Variants in CLEC17A observed in about 807,000 individuals in gnomAD.
CLEC17A encodes the protein C-type lectin domain family 17, member A.
A neutral mutation model predicts 61.3 loss-of-function variants in CLEC17A; 37 were observed. That is an observed-to-expected ratio of 0.60 (90% CI 0.46 to 0.79). The LOEUF is 0.79. Ranked by LOEUF, CLEC17A falls within the 30% of genes least tolerant of loss-of-function variation. CLEC17A has a pLI of 0.00. For missense variants in CLEC17A, 418 were observed against 464.7 expected (o/e 0.90, Z 0.92); for synonymous variants, 168 against 164.9 (o/e 1.02, Z -0.14).
chr19:14,587,233 A>ATGTGTGTGTGTGTGTGTGTG (rs3049160), intron 2 of CLEC17A, among the ~76,000 whole-genome samples: 1 of 145,308 alleles, frequency 6.9e-6, no homozygotes, highest in African/African-American at 2.6e-5. Flanking sequence ...CCAGAGAAAG[A>ATGTGTGTGTGTGTGTGTGTG]TGTGTGTGTG....
At chr19:14,592,655 G>T (rs895164369) in intron 4 of CLEC17A, among the ~76,000 whole-genome samples, 1 of 151,816 alleles carries the variant, frequency 6.6e-6, no homozygotes, top group Non-Finnish European at 1.5e-5. Context: ...GGGATGAGTA[G>T]ACATTTCTTT....
At chr19:14,604,632 G>A (rs1275357901) in intron 12 of CLEC17A, among the ~76,000 whole-genome samples, 1 of 150,756 alleles carries the variant, frequency 6.6e-6, no homozygotes, top group Non-Finnish European at 1.5e-5. Context: ...GCATGGTGGC[G>A]CGTGGCTGTA....
chr19:14,583,545 T>C, intron 2 of CLEC17A, 111 bp downstream of exon 2: 1 of 1,544,244 alleles, frequency 6.5e-7, no homozygotes, highest in Non-Finnish European at 8.8e-7. Context: ...ATCCAGCCCA[T>C]GCCGGGCACT....
intron 12 of CLEC17A, among the ~76,000 whole-genome samples, chr19:14,605,477 A>G (rs770013167): frequency 6.6e-6 from 1 of 152,196 alleles, no homozygotes; most frequent in African/African-American, 2.4e-5. Context: ...AAATGCACAG[A>G]TCTTTGATGT....
At chr19:14,591,129 T>C (rs1599539649) in intron 3 of CLEC17A, among the ~76,000 whole-genome samples, 1 of 151,822 alleles carries the variant, frequency 6.6e-6, no homozygotes, top group African/African-American at 2.4e-5. Flanking sequence ...GGTGTGGCTG[T>C]TGTCATAGTT....
chr19:14,581,098 G>T (rs1424404480), upstream of CLEC17A, among the ~76,000 whole-genome samples: 2 of 152,158 alleles, frequency 1.3e-5, no homozygotes, highest in African/African-American at 4.8e-5. Flanking sequence ...AGACACTCTT[G>T]TTCTGAGTCT....
At chr19:14,595,983 T>TGATGATGATGGTGGTGGCGA (rs1568454120) in intron 8 of CLEC17A, among the ~76,000 whole-genome samples, 1 of 2,820 alleles carries the variant, frequency 3.5e-4, no homozygotes, top group Non-Finnish European at 8.5e-4. Flanking sequence ...ATGTTGTTGG[T>TGATGATGATGGTGGTGGCGA]AGAGATGATG....
chr19:14,588,816 A>T (rs373107090), intron 3 of CLEC17A, among the ~76,000 whole-genome samples: 1 of 151,914 alleles, frequency 6.6e-6, no homozygotes, highest in Non-Finnish European at 1.5e-5. Context: ...GGGCCATTCT[A>T]TGAGGGCTGA....
upstream of CLEC17A, among the ~76,000 whole-genome samples, chr19:14,581,722 G>A (rs188717286): frequency 2.0e-5 from 3 of 152,086 alleles, no homozygotes; most frequent in South Asian, 2.1e-4. Flanking sequence ...ATGTGATCTC[G>A]GCTCACTGCA....
chr19:14,586,122 CT>C (rs997687603), intron 2 of CLEC17A, among the ~76,000 whole-genome samples: 14,959 of 137,170 alleles, frequency 0.11, 812 homozygotes, highest in South Asian at 0.18. Context: ...AATTTCTTTA[CT>C]TTTTTTTTTT....
intron 10 of CLEC17A, among the ~76,000 whole-genome samples, chr19:14,597,813 A>C (rs141767025): frequency 6.6e-6 from 1 of 152,202 alleles, no homozygotes; most frequent in African/African-American, 2.4e-5. Context: ...TATGTTGACT[A>C]AGCTCGTTTC....
rs2074573384 is a variant in CLEC17A, at chr19:14,597,243, C to A, written c.646+82C>A. On this transcript the variant is annotated intron_variant, in intron 10 of 13. Coordinates refer to ENST00000417570, the MANE Select transcript of CLEC17A (RefSeq NM_001204118.2). The stretch of plus-strand genomic sequence containing the variant: ...CAGATCCAACTCCAAGATCCAACCT[C>A]ATCCCCATCTTTGCTGGGCACTGTG... 7.0e-6 allele frequency: 9 copies of A among 1,279,352 alleles called. No homozygotes were observed. The Admixed American group carries it at 1.4e-4, about 20-fold the overall frequency. The allele number at this position is 1,279,352 out of a possible 1,614,324, so 79.3% of individuals were successfully genotyped here. A position where few individuals can be genotyped will look rare whatever the true frequency, so the allele number is the denominator to read the frequency against.
intron 8 of CLEC17A, among the ~76,000 whole-genome samples, chr19:14,596,468 C>CA (rs1003033159): frequency 1.3e-5 from 2 of 151,924 alleles, no homozygotes; most frequent in South Asian, 2.1e-4. Context: ...CCCATCTCTG[C>CA]AAAAAAATAA....
intron 13 of CLEC17A, among the ~76,000 whole-genome samples, chr19:14,609,601 G>T (rs560325266): frequency 1.0e-4 from 15 of 146,076 alleles, no homozygotes; most frequent in Middle Eastern, 4.4e-3. Context: ...ACTTTGGGAG[G>T]CTGAGGCGGG....
At chr19:14,596,027 A>ATGGTGGATGTAGTGATGGTGTTGGTAG (rs2074543935) in intron 8 of CLEC17A, among the ~76,000 whole-genome samples, 2 of 642 alleles carry the variant, frequency 3.1e-3, no homozygotes, top group Non-Finnish European at 7.2e-3. Context: ...GGTGTTGGTG[A>ATGGTGGATGTAGTGATGGTGTTGGTAG]TGACCATGTT....
At chr19:14,607,557 A>G (rs1599580288) in intron 13 of CLEC17A, among the ~76,000 whole-genome samples, 2 of 139,606 alleles carry the variant, frequency 1.4e-5, no homozygotes, top group Non-Finnish European at 3.1e-5. Context: ...TTTATTATTT[A>G]TTTATTTATT....
intron 11 of CLEC17A, 64 bp from the exon 12 acceptor site, chr19:14,599,967 T>C (rs2074663542): frequency 3.8e-6 from 6 of 1,590,250 alleles, no homozygotes; most frequent in Non-Finnish European, 5.1e-6. Context: ...CAACTGTACA[T>C]GGCATACTAT....
chr19:14,598,286 C>T (rs116344529), intron 10 of CLEC17A, among the ~76,000 whole-genome samples: 2,852 of 150,606 alleles, frequency 0.019, 84 homozygotes, highest in African/African-American at 0.066. Flanking sequence ...GACTTTCTTT[C>T]GTTTGTTTGT....
chr19:14,586,887 C>CTTT (rs200760633), intron 2 of CLEC17A, among the ~76,000 whole-genome samples: 2 of 139,226 alleles, frequency 1.4e-5, no homozygotes. Context: ...TTCTTTCTTT[C>CTTT]TTTCTTTTTT....
Sources: gnomAD v4.1 joint callset for allele counts (sites outside exome capture counted in the v4.1 genomes callset) on GRCh38, gnomAD v4.1.1 for gene constraint, MANE v1.5 for transcripts, NCBI Gene and HGNC (gene_info 2026-07-23, HGNC 2026-07-21) for gene names.